Variants in AXIN2 observed in about 807,000 individuals in gnomAD.
AXIN2 encodes the protein axin 2.
Under a neutral mutation model 74.7 loss-of-function variants are expected in AXIN2, and 21 were observed. That is an observed-to-expected ratio of 0.28 (90% CI 0.20 to 0.40). The LOEUF is 0.40. Among genes scored for constraint, AXIN2 ranks in the 10% least tolerant of loss-of-function variants. The probability of loss-of-function intolerance (pLI) is 1.00; values close to 1 mark genes in which losing one functional copy is unlikely to be tolerated. For missense variants in AXIN2, 1,144 were observed against 1,111.1 expected, an observed-to-expected ratio of 1.03 and a Z score of -0.42; for synonymous variants, 532 against 454.9, an observed-to-expected ratio of 1.17 and a Z score of -2.16.
At chr17:65,535,166 C>G (rs750768537) in intron 9 of AXIN2, among the ~76,000 whole-genome samples, 1 of 152,230 alleles carries the variant, frequency 6.6e-6, no homozygotes, top group South Asian at 2.1e-4. Flanking sequence ...CCTCAACCTA[C>G]TTTGAAAGAG....
chr17:65,538,480 G>A, intron 4 of AXIN2, 137 bp from the exon 5 acceptor site: 3 of 1,137,116 alleles, frequency 2.6e-6, no homozygotes, highest in Non-Finnish European at 3.7e-6. Flanking sequence ...AAGGCGGCCT[G>A]GGCTGCTCGG....
Position 65,558,493 on chromosome 17 carries a change from C to G in AXIN2, c.128G>C (p.Gly43Ala). The part of the protein sequence containing the change: ...TPPCQPGVGK[G>A]QVTKPMPVSS... ...GACAGGCATGGGTTTGGTGACCTGGCCCTTGCCCACCCCTGGCTGACACGG... is the reference window on the plus strand; with the variant it reads ...GACAGGCATGGGTTTGGTGACCTGGGCCTTGCCCACCCCTGGCTGACACGG... The change falls in exon 2 of 11, where the codon GGC (glycine) becomes GCC (alanine). Residue 43 changes from glycine (G) to alanine (A), a missense_variant. Transcript: ENST00000307078. The G allele has an allele frequency of 2.5e-6, 4 of 1,611,780 alleles. No homozygotes were observed. Among genetic ancestry groups the G allele is most frequent in the Non-Finnish European group, 3.4e-6 (4 of 1,178,494 alleles).
In AXIN2 at chr17:65,537,599, G is replaced by A. The variant is rs1287699534; in HGVS notation, c.1437C>T (p.Ser479=). ...GCAGCTTGCCACCGGGCGGGAGCAG[G>A]GAGTGGTACTGCGAATGGTGGTGGT... ...HHHHHHSQYH[S]LLPPGGKLPP... The change falls in exon 6 of 11, where the codon TCC becomes TCT. Residue 479 remains serine, a synonymous_variant. Coordinates refer to ENST00000307078, the MANE Select transcript of AXIN2 (RefSeq NM_004655.4). 1 of 1,604,216 alleles carries A rather than the reference G, an allele frequency of 6.2e-7. No homozygotes were observed. Among genetic ancestry groups the A allele is most frequent in the Non-Finnish European group, 8.5e-7 (1 of 1,176,962 alleles).
intron 9 of AXIN2, 31 bp from the exon 10 acceptor site, chr17:65,534,110 G>T: frequency 6.2e-7 from 1 of 1,613,588 alleles, no homozygotes; most frequent in Non-Finnish European, 8.5e-7. Context: ...AACAAGTTTA[G>T]CATTTTAAAG....
At chr17:65,548,668 C>A (rs1168002996) in intron 3 of AXIN2, among the ~76,000 whole-genome samples, 1 of 152,176 alleles carries the variant, frequency 6.6e-6, no homozygotes, top group Admixed American at 6.5e-5. Flanking sequence ...CAAAGGACAG[C>A]CGGAGACAGG....
rs142103235 is a variant in AXIN2 at position 65,557,799 on chromosome 17, G to A, written c.815+7C>T. 2.7e-5 allele frequency: 43 copies of A among 1,614,066 alleles called. No homozygotes were observed. The African/African-American group carries it at 4.9e-4, about 19-fold the overall frequency. ...CATCAGCCCACCCGCCCCCGTCAAAGTCTTACCTGTATCCACTGTCAACAG... is the reference window on the plus strand; with the variant it reads ...CATCAGCCCACCCGCCCCCGTCAAAATCTTACCTGTATCCACTGTCAACAG... On this transcript the variant is annotated splice_region_variant and intron_variant, in intron 2 of 10. Coordinates refer to ENST00000307078, the MANE Select transcript of AXIN2 (RefSeq NM_004655.4).
At chr17:65,553,535 T>G (rs1302232832) in intron 2 of AXIN2, among the ~76,000 whole-genome samples, 1 of 152,170 alleles carries the variant, frequency 6.6e-6, no homozygotes, top group East Asian at 1.9e-4. Flanking sequence ...ACCCTATGTG[T>G]GCTCACACGG....
rs2043791307 is a variant in AXIN2, at chr17:65,530,079, T to C, written c.2429A>G (p.Asp810Gly). The stretch of plus-strand genomic sequence containing the variant: ...AAACACCGCTCCACAGGCAAACTCA[T>C]CGCTTGCTTTTTTGAAGTAATACCT... ...NYRYYFKKAS[D>G]EFACGAVFEE... Residue 810 changes from aspartate (D) to glycine (G), a missense_variant, in exon 11 of 11, where the codon GAT (aspartate) becomes GGT (glycine). Physicochemically the swap from Asp to Gly is moderately conservative, Grantham distance 94. Coordinates refer to ENST00000307078, the MANE Select transcript of AXIN2 (RefSeq NM_004655.4). 6.2e-7 allele frequency: 1 copy of C among 1,614,134 alleles called. No individual in the cohort carries two copies. Among genetic ancestry groups the C allele is most frequent in the Non-Finnish European group, 8.5e-7 (1 of 1,180,034 alleles).
In AXIN2 at chr17:65,558,046, G is replaced by A. The variant is rs1413763058; in HGVS notation, c.575C>T (p.Thr192Ile). The change falls in exon 2 of 11, where the codon ACT becomes ATT. Residue 192 changes from threonine to isoleucine, a missense_variant. Physicochemically the swap from Thr to Ile is moderately conservative, Grantham distance 89 (BLOSUM62 -1). This residue lies in a region of AXIN2 where 1,053 missense variants were observed against 973.5 expected (regional missense o/e 1.08). Coordinates refer to ENST00000307078, the MANE Select transcript of AXIN2 (RefSeq NM_004655.4). ...MEENAYQMFL[T>I]SDIYLEYVRS... ...CACATATTCGAGGTATATATCAGAA[G>A]TCAAAAACATCTGGTAGGCATTTTC... 2 of 1,613,922 alleles carry A rather than the reference G, an allele frequency of 1.2e-6. No individual in the cohort carries two copies. Among genetic ancestry groups the A allele is most frequent in the Non-Finnish European group, 1.7e-6 (2 of 1,180,028 alleles).
At chr17:65,547,960 G>A (rs1217664876) in intron 3 of AXIN2, among the ~76,000 whole-genome samples, 1 of 152,184 alleles carries the variant, frequency 6.6e-6, no homozygotes, top group African/African-American at 2.4e-5. Context: ...ATAACTGAGA[G>A]ATAAATTATG....
At position 65,534,029 on chromosome 17, in the gene AXIN2, T is replaced by C; in HGVS notation, c.2288A>G (p.Glu763Gly). 2 of 1,614,244 alleles carry C rather than the reference T, an allele frequency of 1.2e-6. No individual in the cohort carries two copies. Among genetic ancestry groups the C allele is most frequent in the South Asian group, 1.1e-5 (1 of 91,090 alleles). ...LAGVHALQAS[E>G]LVVTYFFCGE... is the part of the protein sequence containing the mutation. ...ACAGAAAAAGTAAGTGACAACCAAC[T>C]CACTGGCCTGGAGCGCGTGGACACC... The change falls in exon 10 of 11, where the codon GAG becomes GGG. Residue 763 changes from glutamate to glycine, a missense_variant. Around this residue, in one of 4 missense-constraint regions of AXIN2, gnomAD observed 1,053 missense variants for 973.5 expected, o/e 1.08. Transcript: ENST00000307078.
At chr17:65,549,456 G>C (rs940699804) in intron 3 of AXIN2, 64 bp downstream of exon 3, 2 of 1,601,724 alleles carry the variant, frequency 1.2e-6, no homozygotes, top group African/African-American at 2.7e-5. Flanking sequence ...AGACGATTCT[G>C]GCTAAGTGCT....
Position 65,528,610 on chromosome 17 carries a change from A to G in AXIN2, c.*1366T>C, listed in dbSNP as rs1019836306. On this transcript the variant is annotated 3_prime_UTR_variant, in exon 11 of 11. Transcript: ENST00000307078. ...ATAAAGGCTACATCTCTTAATTACAATAATTATTGTACCAAGTAATTTTCC... is the reference window on the plus strand; with the variant it reads ...ATAAAGGCTACATCTCTTAATTACAGTAATTATTGTACCAAGTAATTTTCC... The G allele has an allele frequency of 6.1e-6, 3 of 490,292 alleles. No individual in the cohort carries two copies. Among genetic ancestry groups the G allele is most frequent in the African/African-American group, 2.0e-5 (1 of 50,974 alleles). 30.4% of individuals were successfully genotyped at this position (490,292 alleles called of 1,614,324 possible).
At position 65,529,442 on chromosome 17, in the gene AXIN2, C is replaced by A. The variant is rs1406157571; in HGVS notation, c.*534G>T. The A allele has an allele frequency of 1.1e-5, 3 of 263,134 alleles. No homozygotes were observed. In the Admixed American group the frequency reaches 1.4e-4, roughly 13 times the overall value. 16.3% of individuals were successfully genotyped at this position (263,134 alleles called of 1,614,324 possible). Reference sequence around the variant, plus strand: ...AACAGTCTGTCTTCACTTGGAGGGACGTAGTGCAAAGCATAATTCCTCTGT... The same window carrying A: ...AACAGTCTGTCTTCACTTGGAGGGAAGTAGTGCAAAGCATAATTCCTCTGT... On this transcript the variant is annotated 3_prime_UTR_variant, in exon 11 of 11. Transcript: ENST00000307078.
In AXIN2 at chr17:65,536,874, G is replaced by T. The variant is rs1168312455; in HGVS notation, c.1902C>A (p.Pro634=). 1.2e-6 allele frequency: 2 copies of T among 1,613,034 alleles called. No individual in the cohort carries two copies. The highest frequency in any genetic ancestry group is 2.2e-5 in the East Asian group (1 of 44,876). Residue 634 remains proline, a synonymous_variant, in exon 7 of 11, where the codon CCC becomes CCA. Coordinates refer to ENST00000307078, the MANE Select transcript of AXIN2 (RefSeq NM_004655.4). ...LESERQSKPK[P]HSAQSTKKAY... ...CGGCGGCAAGCGGTGTTTACCTATG[G>T]GGCTTGGGCTTGCTCTGCCGCTCAC...
chr17:65,537,174 C>T, intron 6 of AXIN2, 111 bp from the exon 7 acceptor site: 1 of 1,534,194 alleles, frequency 6.5e-7, no homozygotes, highest in Non-Finnish European at 8.9e-7. Flanking sequence ...AAGACCCATG[C>T]ACCTGCTCCC....
intron 3 of AXIN2, 60 bp from the exon 4 acceptor site, chr17:65,541,617 TG>T: frequency 7.3e-7 from 1 of 1,377,604 alleles, no homozygotes; most frequent in South Asian, 1.2e-5. Flanking sequence ...GCACATCACA[TG>T]GGCTACTGTC....
chr17:65,537,110 C>A (rs200705050), intron 6 of AXIN2, 47 bp from the exon 7 acceptor site: 1 of 1,578,638 alleles, frequency 6.3e-7, no homozygotes, highest in East Asian at 2.3e-5. Context: ...CCGGTTAAAT[C>A]TCCGGGACTC....
In AXIN2 at chr17:65,537,538, G is replaced by A; in HGVS notation, c.1498C>T (p.Leu500Phe). 6.2e-7 allele frequency: 1 copy of A among 1,613,268 alleles called. No homozygotes were observed. Among genetic ancestry groups the A allele is most frequent in the East Asian group, 2.2e-5 (1 of 44,734 alleles). ...AAASPGACPLLGGKGFVTKQT... is the reference protein window; with the variant it reads ...AAASPGACPLFGGKGFVTKQT... Reference sequence around the variant, plus strand: ...TTGGTCACAAAGCCTTTGCCCCCGAGGAGGGGGCAGGCGCCCGGCGAGGCG... The same window carrying A: ...TTGGTCACAAAGCCTTTGCCCCCGAAGAGGGGGCAGGCGCCCGGCGAGGCG... Residue 500 changes from leucine (L) to phenylalanine (F), a missense_variant, in exon 6 of 11, where the codon CTC becomes TTC. Physicochemically the swap from Leu to Phe is conservative, Grantham distance 22 (BLOSUM62 0). This residue lies in a region of AXIN2 where 1,053 missense variants were observed against 973.5 expected (regional missense o/e 1.08). Transcript: ENST00000307078.
Sources: allele counts gnomAD v4.1 joint callset (sites outside exome capture counted in the v4.1 genomes callset), GRCh38; gene constraint gnomAD v4.1.1; regional missense constraint gnomAD v4.1.1; transcripts MANE v1.5; gene names NCBI Gene and HGNC (gene_info 2026-07-23, HGNC 2026-07-21).